The following DYSF variants were observed in gnomAD, a reference collection of about 807,000 sequenced individuals.
DYSF encodes dystrophy-associated fer-1-like 1.
A neutral mutation model predicts 274.9 loss-of-function variants in DYSF; 212 were observed. That is an observed-to-expected ratio of 0.77 (90% CI 0.69 to 0.86). The LOEUF is 0.86. Ranked by LOEUF, DYSF falls within the 40% of genes least tolerant of loss-of-function variation. The pLI is 0.00. For synonymous variants in DYSF, 1,091 were observed against 1,078.7 expected, an observed-to-expected ratio of 1.01 and a Z score of -0.22; for missense variants, 2,666 against 2,783.2, an observed-to-expected ratio of 0.96 and a Z score of 0.95.
At chr2:71,587,497 G>T (rs960806383) in intron 30 of DYSF, among the ~76,000 whole-genome samples, 1 of 152,078 alleles carries the variant, frequency 6.6e-6, no homozygotes, top group Non-Finnish European at 1.5e-5. Flanking sequence ...TTTATGACAC[G>T]CCCCCTCCCC....
At chr2:71,529,736 A>G (rs2088437257) in intron 14 of DYSF, among the ~76,000 whole-genome samples, 1 of 152,236 alleles carries the variant, frequency 6.6e-6, no homozygotes, top group African/African-American at 2.4e-5. Flanking sequence ...TAATGGTCTA[A>G]GCATCCATTG....
At chr2:71,526,965 A>G (rs2087994177) in intron 13 of DYSF, among the ~76,000 whole-genome samples, 1 of 152,250 alleles carries the variant, frequency 6.6e-6, no homozygotes, top group African/African-American at 2.4e-5. Flanking sequence ...CAATGTGGCC[A>G]CTGCCTGGTT....
chr2:71,560,417 G>GCCCCAGCACAGGGCTCCGGCCCAGGCCCA (rs56170138), intron 22 of DYSF, among the ~76,000 whole-genome samples: 1 of 138,786 alleles, frequency 7.2e-6, no homozygotes, highest in Non-Finnish European at 1.5e-5. Flanking sequence ...TCCCAGGCAG[G>GCCCCAGCACAGGGCTCCGGCCCAGGCCCA]CCCCCGCCCC....
intron 35 of DYSF, 104 bp downstream of exon 35, chr2:71,601,632 G>A: frequency 6.7e-7 from 1 of 1,485,480 alleles, no homozygotes; most frequent in Admixed American, 1.7e-5. Context: ...CCGCGATCCT[G>A]CCTCAAGCCC....
chr2:71,457,722 G>A (rs1015671236), intron 1 of DYSF, among the ~76,000 whole-genome samples: 1 of 152,178 alleles, frequency 6.6e-6, no homozygotes, highest in Non-Finnish European at 1.5e-5. Flanking sequence ...ACCAGTTGAT[G>A]CAGGACGCTC....
rs1278682389 is a variant in DYSF at position 71,658,246 on chromosome 2, T to A, written c.4756-632T>A. The stretch of plus-strand genomic sequence containing the variant: ...CACCTTTGCTCCAGTTCCCAACAAG[T>A]TCCCCATCTCTATCTGAGACCACCT... On this transcript the variant is annotated intron_variant, in intron 43 of 55. Coordinates refer to ENST00000410020, the MANE Select transcript of DYSF (RefSeq NM_001130987.2). Among the ~76,000 whole-genome samples the A allele has an allele frequency of 2.6e-5, 4 of 152,184 alleles. No homozygotes were observed. In the East Asian group the frequency reaches 7.7e-4, roughly 29 times the overall value.
chr2:71,686,237 C>T (rs900164326), intron 55 of DYSF, among the ~76,000 whole-genome samples: 1 of 152,162 alleles, frequency 6.6e-6, no homozygotes, highest in Non-Finnish European at 1.5e-5. Flanking sequence ...GGCTGGAGCA[C>T]TAGGCAGGGC....
Position 71,526,329 on chromosome 2 carries a change from C to A in DYSF, c.1259C>A (p.Ala420Asp). 1 of 1,613,978 alleles carries A rather than the reference C, an allele frequency of 6.2e-7. No homozygotes were observed. The highest frequency in any genetic ancestry group is 2.2e-5 in the East Asian group (1 of 44,862). Reference sequence around the variant, plus strand: ...CACTTCTGCCTGAAGGTCTTCCGGGCCGAGGACTTGCCGCAGAGTGCGTGG... The same window carrying A: ...CACTTCTGCCTGAAGGTCTTCCGGGACGAGGACTTGCCGCAGAGTGCGTGG... The part of the protein sequence containing the change: ...GAHFCLKVFR[A>D]EDLPQMDDAV... The change falls in exon 13 of 56, where the codon GCC becomes GAC. Residue 420 changes from alanine to aspartate, a missense_variant. Transcript: ENST00000410020.
chr2:71,591,583 C>T (rs1336354426), intron 32 of DYSF, among the ~76,000 whole-genome samples: 1 of 152,228 alleles, frequency 6.6e-6, no homozygotes. Context: ...GACAGATACT[C>T]GGATAGGTTA....
At position 71,466,737 on chromosome 2, in the gene DYSF, T is replaced by C; in HGVS notation, c.-106T>C. The C allele has an allele frequency of 2.9e-6, 4 of 1,402,864 alleles. No homozygotes were observed. The highest frequency in any genetic ancestry group is 3.7e-6 in the Non-Finnish European group (4 of 1,075,766). 86.9% of individuals were successfully genotyped at this position (1,402,864 alleles called of 1,614,324 possible). On this transcript the variant is annotated 5_prime_UTR_variant, in exon 1 of 56. Coordinates refer to ENST00000410020, the MANE Select transcript of DYSF (RefSeq NM_001130987.2). Reference sequence around the variant, plus strand: ...GGAGCAGCGAAGGCGACAGCTCTCTTGGCGCGGCTGCCTGGGAGCCGGGCG... The same window carrying C: ...GGAGCAGCGAAGGCGACAGCTCTCTCGGCGCGGCTGCCTGGGAGCCGGGCG...
intron 38 of DYSF, among the ~76,000 whole-genome samples, chr2:71,612,171 C>T (rs1290121870): frequency 2.0e-5 from 3 of 152,220 alleles, no homozygotes; most frequent in South Asian, 2.1e-4. Context: ...CAACAGAAGC[C>T]TCCTCTTGGC....
chr2:71,466,784 C>A lies in DYSF; in HGVS notation c.-59C>A. 1.4e-6 allele frequency: 2 copies of A among 1,447,982 alleles called. No individual in the cohort carries two copies. Among genetic ancestry groups the A allele is most frequent in the South Asian group, 2.7e-5 (2 of 73,798 alleles). The allele number at this position is 1,447,982 out of a possible 1,614,324, so 89.7% of individuals were successfully genotyped here. A position where few individuals can be genotyped will look rare whatever the true frequency, so the allele number is the denominator to read the frequency against. The stretch of plus-strand genomic sequence containing the variant: ...GGCGCTTGCTGGGTGGGTGCTCGGG[C>A]CCGGTGCTCCCGCTCCCGCCCTGAC... On this transcript the variant is annotated 5_prime_UTR_variant, in exon 1 of 56. Transcript: ENST00000410020.
At position 71,516,986 on chromosome 2, in the gene DYSF, C is replaced by T; in HGVS notation, c.952-3C>T. On this transcript the variant is annotated splice_region_variant and splice_polypyrimidine_tract_variant and intron_variant, in intron 9 of 55. Transcript: ENST00000410020. ...TGTGAGTTTCCATGATCTTTCTCTGCAGGTGGTAGACTCTCGTTCTCTCAG... is the reference window on the plus strand; with the variant it reads ...TGTGAGTTTCCATGATCTTTCTCTGTAGGTGGTAGACTCTCGTTCTCTCAG... 1 of 1,614,082 alleles carries T rather than the reference C, an allele frequency of 6.2e-7. No homozygotes were observed.
chr2:71,500,522 G>T (rs2084874591), intron 3 of DYSF, among the ~76,000 whole-genome samples: 1 of 152,062 alleles, frequency 6.6e-6, no homozygotes, highest in African/African-American at 2.4e-5. Context: ...TGTCTCTTGG[G>T]CATCCAAGAG....
At chr2:71,678,247 C>G (rs749212537) in intron 52 of DYSF, among the ~76,000 whole-genome samples, 1 of 152,100 alleles carries the variant, frequency 6.6e-6, no homozygotes, top group Non-Finnish European at 1.5e-5. Flanking sequence ...TGTTGGCAAT[C>G]AGAAACTTTC....
chr2:71,520,379 G>A (rs1355564812), intron 11 of DYSF, among the ~76,000 whole-genome samples, 171 bp downstream of exon 11: 1 of 152,192 alleles, frequency 6.6e-6, no homozygotes, highest in Non-Finnish European at 1.5e-5. Context: ...CAGGCCCTCG[G>A]GAGGGTGTAA....
At chr2:71,564,012 G>T (rs774882303) in intron 23 of DYSF, 46 bp from the exon 24 acceptor site, 2 of 1,612,142 alleles carry the variant, frequency 1.2e-6, no homozygotes, top group East Asian at 2.2e-5. Flanking sequence ...TGGGGCGTGG[G>T]CCTGGTGTGT....
chr2:71,638,424 T>C (rs974887355), intron 41 of DYSF, among the ~76,000 whole-genome samples: 2 of 151,356 alleles, frequency 1.3e-5, no homozygotes, highest in African/African-American at 4.9e-5. Context: ...AAATTTATGC[T>C]ATTATTTTTC....
intron 10 of DYSF, among the ~76,000 whole-genome samples, chr2:71,519,356 T>G (rs1294622902): frequency 2.0e-5 from 3 of 152,178 alleles, no homozygotes; most frequent in Non-Finnish European, 4.4e-5. Flanking sequence ...CAAAAAATTA[T>G]TTTACTTGTA....
Sources: allele counts gnomAD v4.1 joint callset (sites outside exome capture counted in the v4.1 genomes callset), GRCh38; gene constraint gnomAD v4.1.1; transcripts MANE v1.5; gene names NCBI Gene and HGNC (gene_info 2026-07-23, HGNC 2026-07-21).